Variants in FHAD1 observed in about 807,000 individuals in gnomAD.
FHAD1 encodes forkhead-associated domain-containing protein 1.
Under a neutral mutation model 191.3 loss-of-function variants are expected in FHAD1, and 146 were observed. The ratio of observed to expected loss-of-function variants is 0.76; its 90% CI spans 0.67 to 0.88. The LOEUF (loss-of-function observed/expected upper bound fraction) is 0.88. FHAD1 is among the 40% of genes least tolerant of loss of function. The probability of loss-of-function intolerance (pLI) is 0.00; values close to 1 mark genes in which losing one functional copy is unlikely to be tolerated. For synonymous variants in FHAD1, 616 were observed against 672.3 expected (o/e 0.92, Z 1.29); for missense variants, 1,635 against 1,785.8 (o/e 0.92, Z 1.52).
At chr1:15,341,967 C>A in intron 16 of FHAD1, 79 bp downstream of exon 16, 1 of 1,291,704 alleles carries the variant, frequency 7.7e-7, no homozygotes, top group Admixed American at 2.8e-5. Flanking sequence ...AGGGCATGTA[C>A]TTAGACAGAG....
At chr1:15,375,425 G>A (rs756106082) in intron 27 of FHAD1, among the ~76,000 whole-genome samples, 178 bp from the exon 28 acceptor site, 5 of 152,132 alleles carry the variant, frequency 3.3e-5, no homozygotes, top group Non-Finnish European at 5.9e-5. Context: ...CCTCCTATGA[G>A]CCGGGTGACC....
chr1:15,345,971 A>G (rs1688775911), intron 18 of FHAD1, among the ~76,000 whole-genome samples: 1 of 152,192 alleles, frequency 6.6e-6, no homozygotes, highest in East Asian at 1.9e-4. Context: ...TCAGGCCGAC[A>G]GAAAGTTTTC....
At chr1:15,383,671 G>A (rs1701429929) in intron 31 of FHAD1, 1 of 302,718 alleles carries the variant, frequency 3.3e-6, no homozygotes, top group African/African-American at 2.2e-5. Context: ...AGGCAAGTCA[G>A]GGAAAGAACC....
intron 28 of FHAD1, among the ~76,000 whole-genome samples, chr1:15,377,120 G>C (rs1430584473): frequency 3.9e-5 from 6 of 152,202 alleles, no homozygotes. Flanking sequence ...GTCAGCATCT[G>C]TCACAGGACC....
In FHAD1 at chr1:15,365,972, A is replaced by C; in HGVS notation, c.3154+39A>C. The C allele has an allele frequency of 2.9e-6, 4 of 1,373,450 alleles. No individual in the cohort carries two copies. In the Admixed American group the frequency reaches 6.1e-5, roughly 21 times the overall value. 85.1% of individuals were successfully genotyped at this position (1,373,450 alleles called of 1,614,324 possible). On this transcript the variant is annotated intron_variant, in intron 24 of 33. Coordinates refer to ENST00000688493, the MANE Select transcript of FHAD1 (RefSeq NM_001391957.1). ...CTGGTGTCTCTTGACCTCCTGACCCACTCGAGAAAGGAAGGAGATGAGGCT... is the reference window on the plus strand; with the variant it reads ...CTGGTGTCTCTTGACCTCCTGACCCCCTCGAGAAAGGAAGGAGATGAGGCT...
chr1:15,293,540 A>G (rs929896430), intron 4 of FHAD1, among the ~76,000 whole-genome samples: 1 of 152,138 alleles, frequency 6.6e-6, no homozygotes, highest in Non-Finnish European at 1.5e-5. Flanking sequence ...TAACATGGTG[A>G]AACCCCATCT....
intron 3 of FHAD1, among the ~76,000 whole-genome samples, chr1:15,285,585 G>T (rs1049821310): frequency 1.3e-5 from 2 of 151,750 alleles, no homozygotes; most frequent in African/African-American, 4.8e-5. Context: ...TTAACTGAAA[G>T]AGCTGATTGC....
chr1:15,251,110 G>T (rs1477003216), intron 1 of FHAD1, among the ~76,000 whole-genome samples: 3 of 151,154 alleles, frequency 2.0e-5, no homozygotes, highest in African/African-American at 7.3e-5. Context: ...GGGCAACATG[G>T]CAATACCCCG....
chr1:15,401,851 C>T (rs556491856), downstream of FHAD1, among the ~76,000 whole-genome samples: 4 of 152,326 alleles, frequency 2.6e-5, no homozygotes, highest in Middle Eastern at 6.8e-3. Flanking sequence ...CCGTCAGGTG[C>T]ACTGCTTGCA....
intron 31 of FHAD1, chr1:15,383,171 A>G (rs1245075843): frequency 1.3e-5 from 6 of 471,692 alleles, no homozygotes; most frequent in Admixed American, 1.2e-4. Context: ...GGGAGCTTCC[A>G]GCCCCTGCCT....
intron 2 of FHAD1, among the ~76,000 whole-genome samples, chr1:15,264,638 T>C (rs536833906): frequency 7.7e-4 from 117 of 152,220 alleles, no homozygotes; most frequent in African/African-American, 2.7e-3. Flanking sequence ...TAATTTTATT[T>C]CTGGGATATA....
chr1:15,259,417 G>A (rs1049679104), intron 2 of FHAD1, among the ~76,000 whole-genome samples: 1 of 152,148 alleles, frequency 6.6e-6, no homozygotes, highest in African/African-American at 2.4e-5. Flanking sequence ...ACATCTAGTC[G>A]GGGACGGTGG....
At chr1:15,365,512 G>C (rs1179646034) in intron 23 of FHAD1, among the ~76,000 whole-genome samples, 1 of 87,332 alleles carries the variant, frequency 1.1e-5, no homozygotes, top group Non-Finnish European at 2.2e-5. Context: ...GTAGAGACGG[G>C]GTTCTGACTT....
chr1:15,306,743 T>C (rs1165962352), intron 6 of FHAD1, among the ~76,000 whole-genome samples: 1 of 152,254 alleles, frequency 6.6e-6, no homozygotes, highest in Admixed American at 6.5e-5. Flanking sequence ...AAGTCAAGAA[T>C]TGAGGTTTGG....
chr1:15,386,849 C>CTTTTTTTTTTTTTTTTT (rs59453670), intron 31 of FHAD1, among the ~76,000 whole-genome samples: 8 of 144,224 alleles, frequency 5.5e-5, no homozygotes, highest in African/African-American at 1.0e-4. Flanking sequence ...TCCTTTCTTT[C>CTTTTTTTTTTTTTTTTT]TTTTTTTTTT....
intron 4 of FHAD1, among the ~76,000 whole-genome samples, chr1:15,293,865 G>A (rs1665976343): frequency 6.6e-6 from 1 of 152,144 alleles, no homozygotes. Context: ...AGTCTTTGAT[G>A]AGTAGATTTC....
chr1:15,262,933 G>A (rs543063243), intron 2 of FHAD1, among the ~76,000 whole-genome samples: 4 of 152,290 alleles, frequency 2.6e-5, no homozygotes, highest in East Asian at 1.9e-4. Context: ...CACAGTGCAC[G>A]AGGGTTTAAC....
At chr1:15,360,175 A>G (rs1478979717) in intron 21 of FHAD1, among the ~76,000 whole-genome samples, 2 of 152,242 alleles carry the variant, frequency 1.3e-5, no homozygotes, top group African/African-American at 2.4e-5. Context: ...ACAAAGAAAC[A>G]AAATTAAAGG....
chr1:15,363,110 T>C (rs1261669853), intron 23 of FHAD1, among the ~76,000 whole-genome samples: 7 of 152,330 alleles, frequency 4.6e-5, no homozygotes, highest in Middle Eastern at 3.4e-3. Flanking sequence ...TTATGGAGAC[T>C]GAGAAGTCCC....
Sources: allele counts gnomAD v4.1 joint callset (sites outside exome capture counted in the v4.1 genomes callset), GRCh38; gene constraint gnomAD v4.1.1; transcripts MANE v1.5; gene names NCBI Gene and HGNC (gene_info 2026-07-23, HGNC 2026-07-21).